Variants in DPP10 observed in about 807,000 individuals in gnomAD.
DPP10 encodes the protein inactive dipeptidyl peptidase 10.
Under a neutral mutation model 120.9 loss-of-function variants are expected in DPP10, and 33 were observed. The observed-to-expected ratio is 0.27, with a 90% CI of 0.21 to 0.37. The LOEUF is 0.37. Among genes scored for constraint, DPP10 ranks in the 10% least tolerant of loss-of-function variants. The pLI is 1.00. For synonymous variants in DPP10, 337 were observed against 326.1 expected, an observed-to-expected ratio of 1.03 and a Z score of -0.36; for missense variants, 816 against 942.8, an observed-to-expected ratio of 0.87 and a Z score of 1.76.
chr2:115,420,832 A>G (rs11886466), intron 3 of DPP10, among the ~76,000 whole-genome samples: 16,882 of 152,202 alleles, frequency 0.11, 1,088 homozygotes, highest in African/African-American at 0.18. Flanking sequence ...AAGATGGGGG[A>G]AAATATCGAA....
intron 21 of DPP10, among the ~76,000 whole-genome samples, chr2:115,826,290 T>A (rs1484833819): frequency 6.6e-6 from 1 of 152,240 alleles, no homozygotes; most frequent in Non-Finnish European, 1.5e-5. Context: ...ATTTAAAGGC[T>A]ATAATTGTCT....
At chr2:115,295,362 A>G (rs1044716502) in intron 1 of DPP10, among the ~76,000 whole-genome samples, 1 of 152,110 alleles carries the variant, frequency 6.6e-6, no homozygotes, top group African/African-American at 2.4e-5. Flanking sequence ...TTCCTGGTCC[A>G]TGGGATTTTT....
intron 1 of DPP10, among the ~76,000 whole-genome samples, chr2:114,844,479 T>C (rs1045846000): frequency 4.0e-5 from 6 of 151,700 alleles, no homozygotes; most frequent in Non-Finnish European, 8.8e-5. Flanking sequence ...TCCCTTTTTG[T>C]GAATACAAGA....
chr2:115,820,799 ATGTGTGTG>A (rs869085100), intron 21 of DPP10, among the ~76,000 whole-genome samples: 221 of 105,598 alleles, frequency 2.1e-3, no homozygotes, highest in African/African-American at 9.3e-3. Context: ...TCCATGGTGT[ATGTGTGTG>A]TGTGTGTGTG....
In DPP10 at chr2:115,746,161, C is replaced by A; in HGVS notation, c.928C>A (p.Pro310Thr). 6.2e-7 allele frequency: 1 copy of A among 1,612,384 alleles called. No homozygotes were observed. Among genetic ancestry groups the A allele is most frequent in the Non-Finnish European group, 8.5e-7 (1 of 1,179,324 alleles). ...ACCAACTCACACTTTGGAGCTCATG[C>A]CACCTGACAGCTTTAAATCAAGGTA... ...YGPTHTLELMPPDSFKSREYY... is the reference protein window; with the variant it reads ...YGPTHTLELMTPDSFKSREYY... The change falls in exon 10 of 26, where the codon CCA becomes ACA. Residue 310 changes from proline (P) to threonine (T), a missense_variant. By Grantham distance (38) the Pro-to-Thr change is conservative. Transcript: ENST00000410059.
intron 19 of DPP10, among the ~76,000 whole-genome samples, chr2:115,805,655 A>G (rs1445704313): frequency 6.6e-6 from 1 of 150,960 alleles, no homozygotes; most frequent in Non-Finnish European, 1.5e-5. Context: ...GCTCACTGCA[A>G]CCTCTGCCTC....
chr2:114,653,853 C>A (rs1364014270), intron 1 of DPP10, among the ~76,000 whole-genome samples: 2 of 152,238 alleles, frequency 1.3e-5, no homozygotes, highest in African/African-American at 2.4e-5. Flanking sequence ...AAAGAAGATT[C>A]TCTTCGGGAA....
intron 1 of DPP10, among the ~76,000 whole-genome samples, chr2:115,059,685 G>GAAAAAAA (rs34515129): frequency 2.6e-5 from 3 of 116,270 alleles, no homozygotes; most frequent in African/African-American, 3.4e-5. Context: ...ACCTCAACAG[G>GAAAAAAA]AAAAAAAAAA....
chr2:114,770,016 C>T (rs1164015805), intron 1 of DPP10, among the ~76,000 whole-genome samples: 2 of 152,174 alleles, frequency 1.3e-5, no homozygotes, highest in African/African-American at 4.8e-5. Flanking sequence ...AACCACAGTT[C>T]TCCCCAACAT....
At chr2:115,441,013 T>C (rs969736046) in intron 3 of DPP10, 23 of 152,288 alleles carry the variant, frequency 1.5e-4, no homozygotes, top group African/African-American at 5.5e-4. Flanking sequence ...TTGGAGTTTT[T>C]CCGGCTTTCC....
At chr2:115,555,886 G>A (rs2080179170) in intron 5 of DPP10, among the ~76,000 whole-genome samples, 1 of 152,042 alleles carries the variant, frequency 6.6e-6, no homozygotes, top group South Asian at 2.1e-4. Context: ...TATGTGTGGT[G>A]GAGGAGGTGC....
At chr2:115,795,622 T>C (rs1212086587) in intron 19 of DPP10, among the ~76,000 whole-genome samples, 1 of 152,136 alleles carries the variant, frequency 6.6e-6, no homozygotes, top group African/African-American at 2.4e-5. Context: ...TTGGGTCATC[T>C]TGGTAGAAGT....
chr2:114,890,465 C>A (rs1010031696), intron 1 of DPP10, among the ~76,000 whole-genome samples: 1 of 152,084 alleles, frequency 6.6e-6, no homozygotes, highest in African/African-American at 2.4e-5. Flanking sequence ...AAGAGAAATG[C>A]TTGAACTAGA....
chr2:115,815,932 A>T (rs1687178409), intron 21 of DPP10, among the ~76,000 whole-genome samples: 1 of 151,462 alleles, frequency 6.6e-6, no homozygotes, highest in Non-Finnish European at 1.5e-5. Flanking sequence ...TATATATATA[A>T]TATATGTATA....
intron 3 of DPP10, among the ~76,000 whole-genome samples, chr2:115,481,822 C>G (rs1461666687): frequency 6.6e-6 from 1 of 151,912 alleles, no homozygotes; most frequent in East Asian, 1.9e-4. Context: ...GAACATATCA[C>G]CTGCATATGA....
At chr2:115,548,932 A>T (rs1276308586) in intron 5 of DPP10, among the ~76,000 whole-genome samples, 1 of 152,158 alleles carries the variant, frequency 6.6e-6, no homozygotes, top group Non-Finnish European at 1.5e-5. Context: ...TATTTCTCTT[A>T]AAGGTACTAC....
chr2:115,643,957 G>A (rs1346048027), intron 5 of DPP10, among the ~76,000 whole-genome samples: 1 of 152,072 alleles, frequency 6.6e-6, no homozygotes, highest in Non-Finnish European at 1.5e-5. Context: ...CTTTATCTTT[G>A]TTGGTACTTT....
At chr2:115,103,990 CAT>C (rs1559099057) in intron 1 of DPP10, among the ~76,000 whole-genome samples, 1 of 152,184 alleles carries the variant, frequency 6.6e-6, no homozygotes, top group East Asian at 1.9e-4. Flanking sequence ...ATTTCTGTTT[CAT>C]ATACACCTTA....
intron 1 of DPP10, among the ~76,000 whole-genome samples, chr2:115,243,888 T>C (rs1307488439): frequency 1.3e-5 from 2 of 151,824 alleles, no homozygotes; most frequent in Admixed American, 1.3e-4. Flanking sequence ...CAAAGAGTGG[T>C]TAAATATATG....
Sources: allele counts gnomAD v4.1 joint callset (sites outside exome capture counted in the v4.1 genomes callset), GRCh38; gene constraint gnomAD v4.1.1; transcripts MANE v1.5; gene names NCBI Gene and HGNC (gene_info 2026-07-23, HGNC 2026-07-21).